The following PCDH11X variants were observed in gnomAD, a reference collection of about 807,000 sequenced individuals.
The protein encoded by PCDH11X is protocadherin 11 X-linked, also known as protocadherin-11 X-linked.
Under a neutral mutation model 53.3 loss-of-function variants are expected in PCDH11X, and 18 were observed. The ratio of observed to expected loss-of-function variants is 0.34; its 90% CI spans 0.23 to 0.50. PCDH11X has a LOEUF of 0.50. Ranked by LOEUF, PCDH11X falls within the 20% of genes least tolerant of loss-of-function variation. The pLI, the probability that PCDH11X is intolerant of heterozygous loss-of-function variation, is 0.98. For missense variants in PCDH11X, 570 were observed against 1,032.4 expected (o/e 0.55, Z 6.14); for synonymous variants, 279 against 393.3 (o/e 0.71, Z 3.44).
intron 10 of PCDH11X, among the ~76,000 whole-genome samples, chrX:92,582,303 C>T (rs1283540615): frequency 9.4e-6 from 1 of 106,151 alleles, no homozygotes; most frequent in Non-Finnish European, 1.9e-5. Context: ...TTTGTGGTCC[C>T]GGCCCAGGGT....
intron 7 of PCDH11X, among the ~76,000 whole-genome samples, chrX:92,255,229 G>A (rs1414477472): frequency 3.9e-4 from 42 of 107,506 alleles, no homozygotes; most frequent in South Asian, 1.3e-3. Flanking sequence ...CCAGTTGATC[G>A]CATCGGCTCC....
Position 91,961,659 on chromosome X carries a change from C to T in PCDH11X, c.3033+82386C>T, listed in dbSNP as rs2061789614. On this transcript the variant is annotated intron_variant, in intron 6 of 10. Coordinates refer to ENST00000682573, the MANE Select transcript of PCDH11X (RefSeq NM_032968.5). Reference sequence around the variant, plus strand: ...GATCAGATGCATTTCTATACACTAACAATGAACTCTCAAAAGGAGAAATTT... The same window carrying T: ...GATCAGATGCATTTCTATACACTAATAATGAACTCTCAAAAGGAGAAATTT... Among the ~76,000 whole-genome samples the T allele has an allele frequency of 2.8e-5, 3 of 107,943 alleles. No individual in the cohort carries two copies. In the South Asian group the frequency reaches 1.2e-3, roughly 45 times the overall value. The allele number at this position is 107,943 out of a possible 115,157, so 93.7% of individuals were successfully genotyped here.
chrX:91,892,761 G>T (rs1940559697), intron 6 of PCDH11X, among the ~76,000 whole-genome samples: 1 of 108,178 alleles, frequency 9.2e-6, no homozygotes, highest in Non-Finnish European at 1.9e-5. Flanking sequence ...GAGTGCAGTG[G>T]CACGATCTTG....
At chrX:91,959,395 C>A (rs2061755657) in intron 6 of PCDH11X, among the ~76,000 whole-genome samples, 2 of 111,422 alleles carry the variant, frequency 1.8e-5, no homozygotes, top group Non-Finnish European at 3.8e-5. Context: ...AGAACTTATT[C>A]ATCTGAATAT....
intron 8 of PCDH11X, among the ~76,000 whole-genome samples, chrX:92,267,128 G>A (rs2067850445): frequency 8.9e-6 from 1 of 111,899 alleles, no homozygotes; most frequent in Admixed American, 9.5e-5. Context: ...AATACAAACT[G>A]CTCTTTTTAT....
intron 1 of PCDH11X, among the ~76,000 whole-genome samples, chrX:91,796,658 A>G (rs187050384): frequency 1.3e-4 from 14 of 111,634 alleles, no homozygotes; most frequent in African/African-American, 4.2e-4. Context: ...TTCATTTTGA[A>G]CCAAAGATTA....
intron 9 of PCDH11X, among the ~76,000 whole-genome samples, chrX:92,389,580 T>A (rs2071081637): frequency 9.0e-6 from 1 of 111,270 alleles, no homozygotes; most frequent in Non-Finnish European, 1.9e-5. Context: ...ACAGTGCACA[T>A]CTCACCCTGA....
chrX:92,010,571 CCA>C (rs1362075516), intron 6 of PCDH11X, among the ~76,000 whole-genome samples: 1 of 110,776 alleles, frequency 9.0e-6, no homozygotes, highest in Non-Finnish European at 1.9e-5. Flanking sequence ...AATTCATAAT[CCA>C]CACAGTTTTC....
At chrX:92,232,740 G>A (rs915910976) in intron 7 of PCDH11X, among the ~76,000 whole-genome samples, 10 of 112,026 alleles carry the variant, frequency 8.9e-5, no homozygotes, top group Non-Finnish European at 1.9e-4. Context: ...TTATTGAGAC[G>A]GAGTCTCGTT....
chrX:91,784,354 A>G (rs965065026), intron 1 of PCDH11X, among the ~76,000 whole-genome samples: 1 of 112,372 alleles, frequency 8.9e-6, no homozygotes, highest in African/African-American at 3.2e-5. Flanking sequence ...GCTAATCAGT[A>G]TAACTAAGAA....
intron 10 of PCDH11X, among the ~76,000 whole-genome samples, chrX:92,544,242 G>A (rs747300543): frequency 9.0e-6 from 1 of 111,676 alleles, no homozygotes; most frequent in African/African-American, 3.3e-5. Flanking sequence ...ACAGCAAAAT[G>A]CCTTAAAGAA....
intron 10 of PCDH11X, among the ~76,000 whole-genome samples, chrX:92,595,380 A>G (rs1029083435): frequency 9.0e-6 from 1 of 111,266 alleles, no homozygotes; most frequent in Non-Finnish European, 1.9e-5. Context: ...AAAAAAGTTT[A>G]ATCTGAGATT....
At chrX:92,131,907 G>A (rs1270518224) in intron 6 of PCDH11X, among the ~76,000 whole-genome samples, 1 of 108,422 alleles carries the variant, frequency 9.2e-6, no homozygotes, top group Non-Finnish European at 1.9e-5. Flanking sequence ...GAAAGGCCTA[G>A]GCAAAACTCT....
At chrX:91,873,010 G>C (rs1418002653) in intron 5 of PCDH11X, among the ~76,000 whole-genome samples, 1 of 109,112 alleles carries the variant, frequency 9.2e-6, no homozygotes, top group East Asian at 2.9e-4. Flanking sequence ...CGTCAACTTA[G>C]ATATCTCACC....
At chrX:92,343,258 A>G (rs775738968) in intron 8 of PCDH11X, among the ~76,000 whole-genome samples, 11 of 111,983 alleles carry the variant, frequency 9.8e-5, no homozygotes, top group African/African-American at 3.2e-4. Flanking sequence ...TGTTAGGTAG[A>G]ATAGAACTTA....
intron 6 of PCDH11X, among the ~76,000 whole-genome samples, chrX:92,021,533 A>T: frequency 9.2e-6 from 1 of 108,968 alleles, no homozygotes; most frequent in South Asian, 4.1e-4. Context: ...AAAACACCAA[A>T]CCTACGATTG....
intron 10 of PCDH11X, among the ~76,000 whole-genome samples, chrX:92,577,187 GT>G (rs1413061887): frequency 9.1e-6 from 1 of 110,288 alleles, no homozygotes; most frequent in East Asian, 2.8e-4. Context: ...ACTTTTTTTG[GT>G]TGGTAGGTTA....
rs1182617983 is a variant in PCDH11X, at chrX:92,305,457, CTGG to C, written c.3144+42317_3144+42319del. The stretch of plus-strand genomic sequence containing the variant: ...TGTGTGCATGCAGAGTGAGAGATAT[CTGG>C]TGTCTCTTCCTCAGTCGTATCGAAT... On this transcript the variant is annotated intron_variant, in intron 8 of 10. Coordinates refer to ENST00000682573, the MANE Select transcript of PCDH11X (RefSeq NM_032968.5). Among the ~76,000 whole-genome samples, 7 of 109,362 alleles carry C rather than the reference CTGG, an allele frequency of 6.4e-5. No individual in the cohort carries two copies. In the South Asian group the frequency reaches 1.7e-3, roughly 26 times the overall value. 95.0% of individuals were successfully genotyped at this position (109,362 alleles called of 115,157 possible).
chrX:92,407,176 C>T (rs1397464469), intron 9 of PCDH11X, among the ~76,000 whole-genome samples: 2 of 108,499 alleles, frequency 1.8e-5, no homozygotes, highest in African/African-American at 3.4e-5. Context: ...TAAGTTTAGT[C>T]CCTCCACTTC....
Sources: allele counts gnomAD v4.1 joint callset (sites outside exome capture counted in the v4.1 genomes callset), GRCh38; gene constraint gnomAD v4.1.1; transcripts MANE v1.5; gene names NCBI Gene and HGNC (gene_info 2026-07-23, HGNC 2026-07-21).